Variants in CCDC134 observed in about 807,000 individuals in gnomAD.
CCDC134 encodes coiled-coil domain containing 134.
In CCDC134, 27 loss-of-function variants were observed where a neutral mutation model predicts 25.6. That is an observed-to-expected ratio of 1.05 (90% CI 0.78 to 1.45). CCDC134 has a LOEUF of 1.45. CCDC134 is among the 40% of genes most tolerant of loss of function. The pLI is 0.00. For missense variants in CCDC134, 261 were observed against 286.7 expected, an observed-to-expected ratio of 0.91 and a Z score of 0.65; for synonymous variants, 110 against 115.0, an observed-to-expected ratio of 0.96 and a Z score of 0.28.
rs753805471 is a variant in CCDC134, at chr22:41,809,902, C to T, written c.127C>T (p.Arg43Trp). 21 of 1,613,950 alleles carry T rather than the reference C, an allele frequency of 1.3e-5. No homozygotes were observed. The highest frequency in any genetic ancestry group is 2.2e-5 in the East Asian group (1 of 44,894). Residue 43 changes from arginine to tryptophan, a missense_variant, in exon 3 of 7, where the codon CGG (arginine) becomes TGG (tryptophan). Arg to Trp is a moderately radical substitution (Grantham distance 101, BLOSUM62 -3). Transcript: ENST00000255784. ...EIYKKMFEVK[R>W]REQLLALKNL... ...AGACAAGAAGATGTTTGAGGTGAAG[C>T]GGCGGGAGCAGCTGTTGGCACTGAA... is the stretch of plus-strand genomic sequence containing the variant.
chr22:41,808,920 CTT>C lies in CCDC134; in HGVS notation c.32_33del (p.Phe11CysfsTer29), dbSNP rs1442915700. The stretch of plus-strand genomic sequence containing the variant: ...ACCTTCTTCAATTCCTGGCCTTCCT[CTT>C]TGTCCTGCTTTTGTCTGGGATGGGA... MDLLQFLAFL[F>X]VLLLSGMGAT... On this transcript the variant is annotated frameshift_variant, in exon 2 of 7. Transcript: ENST00000255784. LOFTEE classifies it high-confidence loss of function. 3.1e-6 allele frequency: 5 copies of C among 1,614,094 alleles called. No homozygotes were observed. Among genetic ancestry groups the C allele is most frequent in the Non-Finnish European group, 4.2e-6 (5 of 1,180,048 alleles).
chr22:41,828,773 G>T lies in CCDC134; in HGVS notation c.*2950G>T, dbSNP rs1260260910. 6.6e-6 allele frequency among the ~76,000 whole-genome samples: 1 copy of T among 152,198 alleles called. No homozygotes were observed. The highest frequency in any genetic ancestry group is 1.5e-5 in the Non-Finnish European group (1 of 68,034). ...CTACCAACTGCATATACCACTGTGG[G>T]AGTCGTGCTGGTGGCGGTAGTGGTC... On this transcript the variant is annotated 3_prime_UTR_variant, in exon 7 of 7. Coordinates refer to ENST00000255784, the MANE Select transcript of CCDC134 (RefSeq NM_024821.5).
At chr22:41,815,274 C>T (rs538807229) in intron 6 of CCDC134, among the ~76,000 whole-genome samples, 3 of 146,584 alleles carry the variant, frequency 2.0e-5, no homozygotes, top group African/African-American at 5.2e-5. Flanking sequence ...GGCGCGATCT[C>T]GGCTCACTGC....
At chr22:41,805,357 G>A (rs568664825) in intron 1 of CCDC134, among the ~76,000 whole-genome samples, 9 of 152,116 alleles carry the variant, frequency 5.9e-5, no homozygotes, top group Non-Finnish European at 1.2e-4. Context: ...GATTGAGCCT[G>A]GGAGGTCAAG....
chr22:41,819,999 A>ATATATATATATATATAT (rs1491457516), intron 6 of CCDC134, among the ~76,000 whole-genome samples: 61 of 108,948 alleles, frequency 5.6e-4, no homozygotes, highest in African/African-American at 1.7e-3. Context: ...ATATATATAT[A>ATATATATATATATATAT]ATTTTTTTTT....
intron 1 of CCDC134, among the ~76,000 whole-genome samples, chr22:41,805,082 A>C (rs1021232128): frequency 6.6e-6 from 1 of 152,162 alleles, no homozygotes; most frequent in Non-Finnish European, 1.5e-5. Flanking sequence ...ATAAAAAAAA[A>C]AGAGAGAGAG....
At chr22:41,812,737 G>A (rs1400709695) in intron 4 of CCDC134, among the ~76,000 whole-genome samples, 1 of 152,096 alleles carries the variant, frequency 6.6e-6, no homozygotes, top group Non-Finnish European at 1.5e-5. Flanking sequence ...AAAGAAAAAT[G>A]CTGGCCTGTT....
chr22:41,819,010 C>G (rs553816837), intron 6 of CCDC134, among the ~76,000 whole-genome samples: 1 of 152,306 alleles, frequency 6.6e-6, no homozygotes, highest in African/African-American at 2.4e-5. Context: ...TTTATCATAA[C>G]GTATTCTACT....
chr22:41,820,546 T>G (rs2076646582), intron 6 of CCDC134, among the ~76,000 whole-genome samples: 1 of 152,186 alleles, frequency 6.6e-6, no homozygotes, highest in African/African-American at 2.4e-5. Context: ...CTCATCTGTG[T>G]GGCAGTTGAT....
rs564826820 is a variant in CCDC134, at chr22:41,818,532, C to T, written c.564+4710C>T. Among the ~76,000 whole-genome samples, 5 of 152,204 alleles carry T rather than the reference C, an allele frequency of 3.3e-5. No homozygotes were observed. The South Asian group carries it at 1.0e-3, about 32-fold the overall frequency. On this transcript the variant is annotated intron_variant, in intron 6 of 6. Coordinates refer to ENST00000255784, the MANE Select transcript of CCDC134 (RefSeq NM_024821.5). The stretch of plus-strand genomic sequence containing the variant: ...AGGAGTCAGGCCAGCTGTGTTGACT[C>T]TTTTCTGTACAACACTATTAGCTTT...
intron 6 of CCDC134, among the ~76,000 whole-genome samples, chr22:41,817,630 G>T (rs1397931709): frequency 6.6e-6 from 1 of 152,062 alleles, no homozygotes; most frequent in Non-Finnish European, 1.5e-5. Context: ...TACTCGGGAG[G>T]CTGAGGCAGG....
intron 6 of CCDC134, among the ~76,000 whole-genome samples, chr22:41,819,681 G>A (rs1362780918): frequency 6.6e-6 from 1 of 152,036 alleles, no homozygotes; most frequent in Non-Finnish European, 1.5e-5. Flanking sequence ...AGGAATGCCC[G>A]GGGTAAGGTG....
In CCDC134 at chr22:41,827,870, A is replaced by G. The variant is rs1448973325; in HGVS notation, c.*2047A>G. Among the ~76,000 whole-genome samples the G allele has an allele frequency of 6.6e-6, 1 of 152,236 alleles. No individual in the cohort carries two copies. The highest frequency in any genetic ancestry group is 1.9e-4 in the East Asian group (1 of 5,204). ...CAAGCTCTTCCCTGCCGGAAGGACC[A>G]GGCCAGTCGCTGTCCTTTTCATGCT... is the stretch of plus-strand genomic sequence containing the variant. On this transcript the variant is annotated 3_prime_UTR_variant, in exon 7 of 7. Coordinates refer to ENST00000255784, the MANE Select transcript of CCDC134 (RefSeq NM_024821.5).
chr22:41,825,760 A>C lies in CCDC134; in HGVS notation c.627A>C (p.Lys209Asn). The C allele has an allele frequency of 6.2e-7, 1 of 1,614,218 alleles. No homozygotes were observed. The highest frequency in any genetic ancestry group is 8.5e-7 in the Non-Finnish European group (1 of 1,180,024). The change falls in exon 7 of 7, where the codon AAA becomes AAC. Residue 209 changes from lysine to asparagine, a missense_variant. By Grantham distance (94) the Lys-to-Asn change is moderately conservative. Coordinates refer to ENST00000255784, the MANE Select transcript of CCDC134 (RefSeq NM_024821.5). The surrounding 1 kb of genome is among the most constrained non-coding windows in gnomAD (Gnocchi z 4.4). ...ALREEEKRRK[K>N]EEKRKEIRKG... Reference sequence around the variant, plus strand: ...GAGAAGAAGAGAAACGCCGAAAGAAAGAGGAGAAGCGGAAGGAGATCCGAA... The same window carrying C: ...GAGAAGAAGAGAAACGCCGAAAGAACGAGGAGAAGCGGAAGGAGATCCGAA...
chr22:41,802,540 C>T (rs191730509), intron 1 of CCDC134, among the ~76,000 whole-genome samples: 1 of 152,118 alleles, frequency 6.6e-6, no homozygotes, highest in Non-Finnish European at 1.5e-5. Flanking sequence ...ACCGCCAAGG[C>T]GGGCGGATCA....
At chr22:41,806,501 T>C (rs559516406) in intron 1 of CCDC134, among the ~76,000 whole-genome samples, 25 of 152,022 alleles carry the variant, frequency 1.6e-4, no homozygotes, top group African/African-American at 6.0e-4. Flanking sequence ...ATTACAGGCA[T>C]GAGCCACCAT....
chr22:41,805,938 G>T (rs1409586082), intron 1 of CCDC134, among the ~76,000 whole-genome samples: 1 of 152,032 alleles, frequency 6.6e-6, no homozygotes, highest in African/African-American at 2.4e-5. Context: ...ATACAGAAAA[G>T]AAAAGAAAAT....
chr22:41,809,776 C>T, intron 2 of CCDC134, 103 bp from the exon 3 acceptor site: 1 of 1,480,746 alleles, frequency 6.8e-7, no homozygotes, highest in Non-Finnish European at 9.2e-7. Flanking sequence ...TGTCCATGGC[C>T]CTTGCAGATA....
At chr22:41,807,959 G>A (rs1227236975) in intron 1 of CCDC134, among the ~76,000 whole-genome samples, 2 of 152,042 alleles carry the variant, frequency 1.3e-5, no homozygotes, top group African/African-American at 4.8e-5. Flanking sequence ...TTGGGAGTTC[G>A]AGACCAGCCT....
Sources: gnomAD v4.1 joint callset for allele counts (sites outside exome capture counted in the v4.1 genomes callset) on GRCh38, gnomAD v4.1.1 for gene constraint, Gnocchi (gnomAD v3.1) non-coding constraint, MANE v1.5 for transcripts, NCBI Gene and HGNC (gene_info 2026-07-23, HGNC 2026-07-21) for gene names.